Variants in EXOC4 observed in about 807,000 individuals in gnomAD.
EXOC4 encodes the protein SEC8-like 1.
EXOC4 carries 71 observed loss-of-function variants against 107.2 expected under a neutral mutation model. That is an observed-to-expected ratio of 0.66 (90% CI 0.55 to 0.81). The LOEUF (loss-of-function observed/expected upper bound fraction) is 0.81, where lower values mean the gene tolerates loss of function less well. Ranked by LOEUF, EXOC4 falls within the 30% of genes least tolerant of loss-of-function variation. The pLI, the probability that EXOC4 is intolerant of heterozygous loss-of-function variation, is 0.00. For missense variants in EXOC4, 1,108 were observed against 1,189.6 expected (o/e 0.93, Z 1.01); for synonymous variants, 456 against 441.2 (o/e 1.03, Z -0.42).
chr7:133,722,620 G>A (rs1358478620), intron 10 of EXOC4, among the ~76,000 whole-genome samples: 1 of 152,110 alleles, frequency 6.6e-6, no homozygotes, highest in African/African-American at 2.4e-5. Flanking sequence ...ACTTCACCTT[G>A]AATTTTAGGC....
At position 133,817,348 on chromosome 7, in the gene EXOC4, C is replaced by T. The variant is rs757501836; in HGVS notation, c.1538C>T (p.Ala513Val). ...LLRFIQEIEH[A>V]LGLGPAKQCP... ...AGATTTATTCAGGAGATTGAGCATG[C>T]TCTGGGTCTTGGCCCAGCCAAACAG... The change falls in exon 11 of 18, where the codon GCT (alanine) becomes GTT (valine). Residue 513 changes from alanine (A) to valine (V), a missense_variant. Physicochemically the swap from Ala to Val is moderately conservative, Grantham distance 64. Coordinates refer to ENST00000253861, the MANE Select transcript of EXOC4 (RefSeq NM_021807.4). 11 of 1,613,784 alleles carry T rather than the reference C, an allele frequency of 6.8e-6. No homozygotes were observed. Among genetic ancestry groups the T allele is most frequent in the Admixed American group, 1.7e-5 (1 of 60,006 alleles).
chr7:133,785,000 A>G (rs1167841397), intron 10 of EXOC4, among the ~76,000 whole-genome samples: 1 of 152,210 alleles, frequency 6.6e-6, no homozygotes, highest in Non-Finnish European at 1.5e-5. Context: ...GTAGTTAATT[A>G]GAGCATGGTT....
chr7:133,784,132 C>A (rs931937178), intron 10 of EXOC4, among the ~76,000 whole-genome samples: 5 of 152,138 alleles, frequency 3.3e-5, no homozygotes, highest in Admixed American at 3.3e-4. Flanking sequence ...AGAGCTTTAT[C>A]ATTTGATTAA....
intron 17 of EXOC4, among the ~76,000 whole-genome samples, chr7:134,050,593 G>A (rs1246449905): frequency 3.9e-5 from 6 of 152,086 alleles, no homozygotes; most frequent in Non-Finnish European, 7.4e-5. Context: ...CTTCATAGAG[G>A]GTAGAGGATT....
intron 10 of EXOC4, among the ~76,000 whole-genome samples, chr7:133,695,683 A>C (rs538306338): frequency 1.2e-3 from 180 of 152,186 alleles, no homozygotes; most frequent in Admixed American, 2.0e-3. Flanking sequence ...TCATCACCTT[A>C]AATAAGTCTG....
At chr7:133,313,169 A>G (rs1158429230) in intron 4 of EXOC4, among the ~76,000 whole-genome samples, 1 of 91,740 alleles carries the variant, frequency 1.1e-5, no homozygotes, top group East Asian at 2.8e-4. Context: ...CTCTTGGCTT[A>G]GATTTTAAAT....
chr7:133,907,474 G>T (rs539967522), intron 12 of EXOC4, among the ~76,000 whole-genome samples: 93 of 152,220 alleles, frequency 6.1e-4, no homozygotes, highest in Non-Finnish European at 8.4e-4. Flanking sequence ...TCCACTGAGA[G>T]TTGGGCCCGG....
chr7:133,776,230 C>G (rs202077682), intron 10 of EXOC4, among the ~76,000 whole-genome samples: 10 of 3,398 alleles, frequency 2.9e-3, no homozygotes, highest in Non-Finnish European at 6.1e-3. Flanking sequence ...TTCCACCCGT[C>G]GGTTCTATGA....
chr7:133,917,594 A>C lies in EXOC4; in HGVS notation c.1883A>C (p.Gln628Pro), dbSNP rs764260310. Residue 628 changes from glutamine (Q) to proline (P), a missense_variant, in exon 13 of 18, where the codon CAG becomes CCG. Physicochemically the swap from Gln to Pro is moderately conservative, Grantham distance 76 (BLOSUM62 -1). Coordinates refer to ENST00000253861, the MANE Select transcript of EXOC4 (RefSeq NM_021807.4). ...TCTAAYRGIV[Q>P]SEEKLVISAS... ...TTGGCTGTGTTTAGGGGTATTGTCC[A>C]GTCAGAAGAAAAACTTGTCATCAGT... The C allele has an allele frequency of 6.2e-7, 1 of 1,613,910 alleles. No homozygotes were observed. The highest frequency in any genetic ancestry group is 8.5e-7 in the Non-Finnish European group (1 of 1,179,982).
At chr7:133,888,959 C>G (rs1799146182) in intron 11 of EXOC4, among the ~76,000 whole-genome samples, 1 of 152,058 alleles carries the variant, frequency 6.6e-6, no homozygotes, top group Non-Finnish European at 1.5e-5. Flanking sequence ...TTGTAAGAAC[C>G]CTTTAAATGT....
intron 11 of EXOC4, among the ~76,000 whole-genome samples, chr7:133,830,486 A>G (rs139952430): frequency 3.7e-4 from 56 of 152,374 alleles, no homozygotes; most frequent in African/African-American, 5.0e-4. Flanking sequence ...TGCTAAATGA[A>G]TAAAATGAAA....
At chr7:133,255,342 A>G (rs1438650454) in intron 1 of EXOC4, among the ~76,000 whole-genome samples, 3 of 151,842 alleles carry the variant, frequency 2.0e-5, no homozygotes, top group Admixed American at 2.0e-4. Flanking sequence ...ACACCCACCT[A>G]ATTTTTGTAT....
intron 3 of EXOC4, among the ~76,000 whole-genome samples, chr7:133,293,826 C>T (rs1171635217): frequency 6.6e-6 from 1 of 152,174 alleles, no homozygotes; most frequent in Non-Finnish European, 1.5e-5. Context: ...CAACAAGAAG[C>T]CTGTATCCGT....
At chr7:133,897,563 G>A (rs1585232145) in intron 12 of EXOC4, among the ~76,000 whole-genome samples, 1 of 151,878 alleles carries the variant, frequency 6.6e-6, no homozygotes, top group East Asian at 1.9e-4. Flanking sequence ...ATTCCAGTGA[G>A]GAAATGAAAT....
In EXOC4 at chr7:133,666,474, G is replaced by A. The variant is rs1486734744; in HGVS notation, c.1514+36333G>A. Among the ~76,000 whole-genome samples the A allele has an allele frequency of 2.6e-5, 4 of 152,046 alleles. No individual in the cohort carries two copies. The South Asian group carries it at 6.2e-4, about 24-fold the overall frequency. Reference sequence around the variant, plus strand: ...ACCATCTCTATACTCACAATATATTGTAGAGTATAGAGATGCTGTCTTTTT... The same window carrying A: ...ACCATCTCTATACTCACAATATATTATAGAGTATAGAGATGCTGTCTTTTT... On this transcript the variant is annotated intron_variant, in intron 10 of 17. Transcript: ENST00000253861.
intron 13 of EXOC4, among the ~76,000 whole-genome samples, chr7:133,922,644 G>A (rs1253747390): frequency 4.6e-5 from 7 of 152,204 alleles, no homozygotes; most frequent in Admixed American, 2.0e-4. Context: ...TCAGGAGATC[G>A]AGACCATCTT....
chr7:133,788,076 TG>T (rs1796625935), intron 10 of EXOC4, among the ~76,000 whole-genome samples: 1 of 142,964 alleles, frequency 7.0e-6, no homozygotes, highest in Non-Finnish European at 1.5e-5. Context: ...CTGCACTTGC[TG>T]GGTTCTTGGT....
rs73155108 is a variant in EXOC4, at chr7:133,814,096, A to G, written c.1515-3229A>G. Among the ~76,000 whole-genome samples, 825 of 152,300 alleles carry G rather than the reference A, an allele frequency of 5.4e-3. 9 individuals carry two copies. The highest frequency in any genetic ancestry group is 6.2e-3 in the Non-Finnish European group (425 of 68,018). The stretch of plus-strand genomic sequence containing the variant: ...AGTTTTTAACAATCAAATGATTATT[A>G]AAAGTTATAATTCAAAAGTCTAATT... On this transcript the variant is annotated intron_variant, in intron 10 of 17. Coordinates refer to ENST00000253861, the MANE Select transcript of EXOC4 (RefSeq NM_021807.4).
intron 6 of EXOC4, among the ~76,000 whole-genome samples, chr7:133,366,671 T>C (rs1430184881): frequency 1.3e-5 from 2 of 152,216 alleles, no homozygotes; most frequent in Non-Finnish European, 2.9e-5. Context: ...CCACCTCTTA[T>C]CTGTAATCAG....
Sources: allele counts gnomAD v4.1 joint callset (sites outside exome capture counted in the v4.1 genomes callset), GRCh38; gene constraint gnomAD v4.1.1; transcripts MANE v1.5; gene names NCBI Gene and HGNC (gene_info 2026-07-23, HGNC 2026-07-21).